The following TGM2 variants were observed in gnomAD, a reference collection of about 807,000 sequenced individuals.
The protein encoded by TGM2 is protein-glutamine gamma-glutamyltransferase 2.
A neutral mutation model predicts 75.6 loss-of-function variants in TGM2; 53 were observed. The observed-to-expected ratio is 0.70, with a 90% CI of 0.56 to 0.88. TGM2 has a LOEUF of 0.88. TGM2 is among the 40% of genes least tolerant of loss of function. The pLI, the probability that TGM2 is intolerant of heterozygous loss-of-function variation, is 0.00. For synonymous variants in TGM2, 374 were observed against 381.1 expected, an observed-to-expected ratio of 0.98 and a Z score of 0.22; for missense variants, 842 against 928.5, an observed-to-expected ratio of 0.91 and a Z score of 1.21.
In TGM2 at chr20:38,165,091, C is replaced by G. The variant is rs534214439; in HGVS notation, c.10+98G>C. On this transcript the variant is annotated intron_variant, in intron 1 of 12. Transcript: ENST00000361475. Reference sequence around the variant, plus strand: ...CTCACCCAGCCCGGTCTGCCTGTTGCTCTCCAAATCAGGACTTAGGGATTC... The same window carrying G: ...CTCACCCAGCCCGGTCTGCCTGTTGGTCTCCAAATCAGGACTTAGGGATTC... The G allele has an allele frequency of 1.8e-5, 28 of 1,582,412 alleles. No homozygotes were observed. In the African/African-American group the frequency reaches 3.2e-4, roughly 18 times the overall value.
chr20:38,166,431 G>T (rs887618212), upstream of TGM2: 3 of 150,486 alleles, frequency 2.0e-5, no homozygotes, highest in Non-Finnish European at 4.5e-5. Context: ...AGGACTTCTC[G>T]AACCTGGCAA....
intron 3 of TGM2, among the ~76,000 whole-genome samples, chr20:38,153,010 G>T (rs1266767958): frequency 5.4e-5 from 7 of 129,484 alleles, no homozygotes; most frequent in African/African-American, 2.0e-4. Flanking sequence ...TCTGCAGATT[G>T]ACTAAAATTC....
upstream of TGM2, among the ~76,000 whole-genome samples, chr20:38,168,199 A>T (rs1369592553): frequency 6.6e-6 from 1 of 152,186 alleles, no homozygotes; most frequent in Non-Finnish European, 1.5e-5. Context: ...CAACCCCAGG[A>T]TGTGGCCAGC....
chr20:38,132,286 C>T (rs2074843637), intron 11 of TGM2, 54 bp downstream of exon 11: 3 of 1,601,102 alleles, frequency 1.9e-6, no homozygotes, highest in South Asian at 2.2e-5. Context: ...GATCTGCCCT[C>T]TCCCCAGCGC....
intron 3 of TGM2, among the ~76,000 whole-genome samples, chr20:38,151,564 G>A (rs766493487): frequency 2.0e-5 from 3 of 152,154 alleles, no homozygotes; most frequent in African/African-American, 7.2e-5. Context: ...GATCTGAAAG[G>A]TGCTTTGGAA....
At position 38,161,547 on chromosome 20, in the gene TGM2, G is replaced by A. The variant is rs1346637977; in HGVS notation, c.63C>T (p.His21=). Reference sequence around the variant, plus strand: ...TCTCCCGGCACAGGTCGGCCGTGTGGTGGTCTCGGCCATTGGTCTCCAGCT... The same window carrying A: ...TCTCCCGGCACAGGTCGGCCGTGTGATGGTCTCGGCCATTGGTCTCCAGCT... ...DLELETNGRD[H]HTADLCREKL... Residue 21 remains histidine (H), a synonymous_variant, in exon 2 of 13, where the codon CAC becomes CAT. Transcript: ENST00000361475. The A allele has an allele frequency of 2.2e-5, 36 of 1,614,070 alleles. No homozygotes were observed. The highest frequency in any genetic ancestry group is 3.0e-5 in the Non-Finnish European group (35 of 1,180,046).
At chr20:38,150,876 G>A in intron 4 of TGM2, 63 bp downstream of exon 4, 1 of 1,303,558 alleles carries the variant, frequency 7.7e-7, no homozygotes, top group East Asian at 2.3e-5. Flanking sequence ...GCTGCCCCCA[G>A]ACACAGGGCC....
intron 9 of TGM2, among the ~76,000 whole-genome samples, chr20:38,139,115 G>A (rs45552040): frequency 2.0e-5 from 3 of 152,100 alleles, no homozygotes; most frequent in Admixed American, 2.0e-4. Context: ...ATATTGAATT[G>A]GCTGTTCGAT....
chr20:38,164,977 A>G (rs1453647096), intron 1 of TGM2, among the ~76,000 whole-genome samples: 1 of 152,172 alleles, frequency 6.6e-6, no homozygotes, highest in Non-Finnish European at 1.5e-5. Flanking sequence ...GTCGCGTTCC[A>G]TTGCCTCACC....
At chr20:38,140,601 G>A (rs535745508) in intron 8 of TGM2, among the ~76,000 whole-genome samples, 2 of 152,278 alleles carry the variant, frequency 1.3e-5, no homozygotes, top group South Asian at 4.1e-4. Context: ...CACAGGCGTG[G>A]TCATTACAAC....
chr20:38,137,208 G>C (rs1376177673), intron 10 of TGM2, among the ~76,000 whole-genome samples: 1 of 152,204 alleles, frequency 6.6e-6, no homozygotes, highest in Non-Finnish European at 1.5e-5. Flanking sequence ...GTTTTGGCCA[G>C]GTGCGGTGGC....
Position 38,130,289 on chromosome 20 carries a change from A to G in TGM2, c.1994T>C (p.Val665Ala). ...CAGCTTGTCGCTCTCGAAGTTCACCACCAGCTTGTGGAGGCCCATGTGGAG... is the reference window on the plus strand; with the variant it reads ...CAGCTTGTCGCTCTCGAAGTTCACCGCCAGCTTGTGGAGGCCCATGTGGAG... ...LPLHMGLHKLVVNFESDKLKA... is the reference protein window; with the variant it reads ...LPLHMGLHKLAVNFESDKLKA... The change falls in exon 13 of 13, where the codon GTG (valine) becomes GCG (alanine). Residue 665 changes from valine to alanine, a missense_variant. Transcript: ENST00000361475. 1.2e-6 allele frequency: 2 copies of G among 1,612,744 alleles called. No homozygotes were observed. The highest frequency in any genetic ancestry group is 2.2e-5 in the East Asian group (1 of 44,846).
At position 38,133,228 on chromosome 20, in the gene TGM2, C is replaced by T. The variant is rs535280613; in HGVS notation, c.1616-728G>A. The stretch of plus-strand genomic sequence containing the variant: ...CCTCCACGAGGCTCGTGATGCTGTA[C>T]CCGTTGCACAGATGAAGAATCACCT... On this transcript the variant is annotated intron_variant, in intron 10 of 12. Coordinates refer to ENST00000361475, the MANE Select transcript of TGM2 (RefSeq NM_004613.4). 2.0e-5 allele frequency: 4 copies of T among 203,900 alleles called. No homozygotes were observed. The South Asian group carries it at 3.6e-4, about 19-fold the overall frequency. 12.6% of individuals were successfully genotyped at this position (203,900 alleles called of 1,614,324 possible). A position where few individuals can be genotyped will look rare whatever the true frequency, so the allele number is the denominator to read the frequency against.
At chr20:38,156,230 C>T in intron 2 of TGM2, 141 bp from the exon 3 acceptor site, 2 of 1,118,566 alleles carry the variant, frequency 1.8e-6, no homozygotes, top group Non-Finnish European at 2.5e-6. Context: ...AAGTTTGTCT[C>T]CCTGAGCCTC....
At position 38,155,187 on chromosome 20, in the gene TGM2, A is replaced by G. The variant is rs1297901479; in HGVS notation, c.433+660T>C. Among the ~76,000 whole-genome samples the G allele has an allele frequency of 4.6e-5, 7 of 152,202 alleles. No homozygotes were observed. The East Asian group carries it at 1.3e-3, about 29-fold the overall frequency. ...GAACCAGGACACAGTGCCTGGGCCT[A>G]GGCATCAGCTGGGCACCCTATTCCT... is the stretch of plus-strand genomic sequence containing the variant. On this transcript the variant is annotated intron_variant, in intron 3 of 12. Coordinates refer to ENST00000361475, the MANE Select transcript of TGM2 (RefSeq NM_004613.4).
At chr20:38,141,930 C>CCCAA in intron 7 of TGM2, 134 bp downstream of exon 7, 1 of 1,105,822 alleles carries the variant, frequency 9.0e-7, no homozygotes, top group East Asian at 2.5e-5. Flanking sequence ...CTAGGCCTTC[C>CCCAA]CCAAGCCTGC....
At chr20:38,135,154 G>C (rs1050214422) in intron 10 of TGM2, among the ~76,000 whole-genome samples, 2 of 152,236 alleles carry the variant, frequency 1.3e-5, no homozygotes, top group African/African-American at 4.8e-5. Flanking sequence ...TGGTGACTTA[G>C]AGGTGAGGGC....
chr20:38,161,670 C>T (rs1349188459), intron 1 of TGM2, 71 bp from the exon 2 acceptor site: 1 of 1,567,706 alleles, frequency 6.4e-7, no homozygotes, highest in African/African-American at 1.4e-5. Flanking sequence ...ACCTGCCCTC[C>T]CTAGACATGG....
rs2122838757 is a variant in TGM2, at chr20:38,130,252, C to T, written c.2031G>A (p.Lys677=). Reference sequence around the variant, plus strand: ...GGCCAATGATGACATTCCGGAAGCCCTTCACAGCCTTCAGCTTGTCGCTCT... The same window carrying T: ...GGCCAATGATGACATTCCGGAAGCCTTTCACAGCCTTCAGCTTGTCGCTCT... ...NFESDKLKAV[K]GFRNVIIGPA is the part of the protein sequence containing the mutation. Residue 677 remains lysine (K), a synonymous_variant, in exon 13 of 13, where the codon AAG becomes AAA. Coordinates refer to ENST00000361475, the MANE Select transcript of TGM2 (RefSeq NM_004613.4). The T allele has an allele frequency of 1.2e-6, 2 of 1,613,436 alleles. No homozygotes were observed. Among genetic ancestry groups the T allele is most frequent in the East Asian group, 2.2e-5 (1 of 44,868 alleles).
Sources: gnomAD v4.1 joint callset for allele counts (sites outside exome capture counted in the v4.1 genomes callset) on GRCh38, gnomAD v4.1.1 for gene constraint, MANE v1.5 for transcripts, NCBI Gene and HGNC (gene_info 2026-07-23, HGNC 2026-07-21) for gene names.